Variants in TYW1B observed in about 807,000 individuals in gnomAD.
The protein encoded by TYW1B is tRNA-yW synthesizing protein 1 homolog B.
Under a neutral mutation model 86.9 loss-of-function variants are expected in TYW1B, and 73 were observed. The observed-to-expected ratio is 0.84, with a 90% CI of 0.70 to 1.02. The LOEUF (loss-of-function observed/expected upper bound fraction) is 1.02. Ranked by LOEUF, TYW1B falls within the 50% of genes least tolerant of loss-of-function variation. The pLI is 0.00. For synonymous variants in TYW1B, 248 were observed against 292.8 expected, an observed-to-expected ratio of 0.85 and a Z score of 1.56; for missense variants, 637 against 827.4, an observed-to-expected ratio of 0.77 and a Z score of 2.82.
chr7:72,643,584 C>A (rs1232449285), intron 11 of TYW1B, among the ~76,000 whole-genome samples: 25 of 149,676 alleles, frequency 1.7e-4, no homozygotes, highest in Admixed American at 1.4e-3. Flanking sequence ...CAGACTCCAT[C>A]TTAAAAGAAA....
In TYW1B at chr7:72,824,660, G is replaced by A. The variant is rs1268171153; in HGVS notation, c.135+2195C>T. Among the ~76,000 whole-genome samples the A allele has an allele frequency of 3.3e-5, 5 of 152,172 alleles. No homozygotes were observed. In the East Asian group the frequency reaches 9.7e-4, roughly 29 times the overall value. On this transcript the variant is annotated intron_variant, in intron 2 of 13. Coordinates refer to ENST00000620995, the MANE Select transcript of TYW1B (RefSeq NM_001145440.3). ...GGAGGCTGAGGCAGGAGAATTGCTC[G>A]AACCCAGGAGGCGGAGGTTGTGGTG...
intron 3 of TYW1B, among the ~76,000 whole-genome samples, chr7:72,813,395 C>T (rs762134863): frequency 6.6e-6 from 1 of 152,108 alleles, no homozygotes; most frequent in African/African-American, 2.4e-5. Flanking sequence ...AGGCTGGTCT[C>T]GAACTCCTGA....
intron 9 of TYW1B, among the ~76,000 whole-genome samples, chr7:72,725,543 G>GT (rs1444231621): frequency 3.3e-5 from 5 of 152,118 alleles, no homozygotes; most frequent in African/African-American, 1.2e-4. Flanking sequence ...CCAGATATTT[G>GT]TTCAGCCATT....
In TYW1B at chr7:72,689,445, T is replaced by C. The variant is rs1330317392; in HGVS notation, c.1506+5242A>G. 2.0e-5 allele frequency among the ~76,000 whole-genome samples: 3 copies of C among 152,176 alleles called. 1 individual carries two copies. The highest frequency in any genetic ancestry group is 4.4e-5 in the Non-Finnish European group (3 of 68,030). ...AGTGACAAAATGTGCATGCTGCAAC[T>C]TGGGAGTAGCTGAGACTTTGTCCTC... On this transcript the variant is annotated intron_variant, in intron 11 of 13. Transcript: ENST00000620995.
chr7:72,692,076 C>T (rs764544572), intron 11 of TYW1B, among the ~76,000 whole-genome samples: 35 of 151,244 alleles, frequency 2.3e-4, no homozygotes, highest in Non-Finnish European at 4.3e-4. Context: ...CATGGTGGTA[C>T]GCACCTGTAA....
intron 13 of TYW1B, among the ~76,000 whole-genome samples, chr7:72,601,099 C>T (rs1811654258): frequency 6.6e-6 from 1 of 151,374 alleles, no homozygotes; most frequent in South Asian, 2.1e-4. Context: ...TGAGATCTCG[C>T]CATTGCACTC....
chr7:72,812,712 T>C (rs1220436456), intron 3 of TYW1B, among the ~76,000 whole-genome samples: 2 of 151,592 alleles, frequency 1.3e-5, no homozygotes, highest in Non-Finnish European at 2.9e-5. Context: ...TTTTTTTTTT[T>C]TTTTTGAGAC....
intron 7 of TYW1B, among the ~76,000 whole-genome samples, chr7:72,754,938 T>C (rs1787561074): frequency 6.6e-6 from 1 of 152,224 alleles, no homozygotes; most frequent in African/African-American, 2.4e-5. Flanking sequence ...GTATGTGATA[T>C]TATATTATCC....
At chr7:72,776,949 G>A (rs1222702390) in intron 7 of TYW1B, among the ~76,000 whole-genome samples, 1 of 152,070 alleles carries the variant, frequency 6.6e-6, no homozygotes, top group Non-Finnish European at 1.5e-5. Flanking sequence ...GGGAAGTGGG[G>A]AGGGGGAAGA....
chr7:72,754,662 T>A (rs559283431), intron 7 of TYW1B, among the ~76,000 whole-genome samples: 2 of 151,776 alleles, frequency 1.3e-5, no homozygotes, highest in African/African-American at 4.8e-5. Flanking sequence ...GGTCTCCAAC[T>A]CCTGACCTCA....
rs186324122 is a variant in TYW1B at position 72,636,489 on chromosome 7, T to C, written c.1507-7492A>G. Reference sequence around the variant, plus strand: ...CATGTTAAATGGAAGTGGTGACAAATATAGTGGGTATGCTTGTCTTATTCT... The same window carrying C: ...CATGTTAAATGGAAGTGGTGACAAACATAGTGGGTATGCTTGTCTTATTCT... On this transcript the variant is annotated intron_variant, in intron 11 of 13. Transcript: ENST00000620995. Among the ~76,000 whole-genome samples the C allele has an allele frequency of 2.0e-5, 3 of 152,322 alleles. No homozygotes were observed. In the East Asian group the frequency reaches 5.8e-4, roughly 29 times the overall value.
intron 6 of TYW1B, among the ~76,000 whole-genome samples, chr7:72,795,008 C>G (rs752655316): frequency 6.6e-6 from 1 of 151,832 alleles, no homozygotes. Context: ...TTGGTAGAGA[C>G]AGGGTTTTGC....
rs146857767 is a variant in TYW1B at position 72,642,588 on chromosome 7, A to G, written c.1507-13591T>C. ...AAAATATAGTACATATCCATCCAAG[A>G]GAATAGTATTCAGCAAAAAAGCTGA... is the stretch of plus-strand genomic sequence containing the variant. On this transcript the variant is annotated intron_variant, in intron 11 of 13. Coordinates refer to ENST00000620995, the MANE Select transcript of TYW1B (RefSeq NM_001145440.3). Among the ~76,000 whole-genome samples the G allele has an allele frequency of 4.1e-3, 623 of 152,328 alleles. 5 individuals carry two copies. Among genetic ancestry groups the G allele is most frequent in the African/African-American group, 0.014 (592 of 41,564 alleles).
intron 6 of TYW1B, among the ~76,000 whole-genome samples, chr7:72,798,308 G>A (rs183858319): frequency 1.1e-4 from 17 of 151,822 alleles, no homozygotes; most frequent in South Asian, 4.2e-4. Context: ...GGAGAACGGC[G>A]TGAACCCAGG....
At chr7:72,759,304 C>T (rs1392633080) in intron 7 of TYW1B, among the ~76,000 whole-genome samples, 1 of 152,164 alleles carries the variant, frequency 6.6e-6, no homozygotes, top group African/African-American at 2.4e-5. Context: ...CACCGTAATC[C>T]AGCCTGGGTG....
intron 13 of TYW1B, among the ~76,000 whole-genome samples, chr7:72,609,575 A>AT (rs1342730004): frequency 1.2e-4 from 19 of 152,142 alleles, no homozygotes; most frequent in South Asian, 6.2e-4. Context: ...AAAATAAAAA[A>AT]AAATAAATAA....
chr7:72,774,288 T>C (rs1306336152), intron 7 of TYW1B, among the ~76,000 whole-genome samples: 17 of 148,956 alleles, frequency 1.1e-4, no homozygotes, highest in South Asian at 2.1e-4. Context: ...TAATTAGCCC[T>C]ATACTGAGCC....
chr7:72,745,022 T>A (rs1475215954), intron 7 of TYW1B, among the ~76,000 whole-genome samples: 1 of 152,166 alleles, frequency 6.6e-6, no homozygotes, highest in African/African-American at 2.4e-5. Flanking sequence ...TGGAGTGTCG[T>A]TCTTTTGTTT....
At chr7:72,820,354 C>T (rs562443992) in intron 2 of TYW1B, among the ~76,000 whole-genome samples, 4 of 152,182 alleles carry the variant, frequency 2.6e-5, no homozygotes, top group African/African-American at 9.6e-5. Context: ...GAAACAAGAT[C>T]CTTTCAGGCA....
Sources: allele counts gnomAD v4.1 joint callset (sites outside exome capture counted in the v4.1 genomes callset), GRCh38; gene constraint gnomAD v4.1.1; transcripts MANE v1.5; gene names NCBI Gene and HGNC (gene_info 2026-07-23, HGNC 2026-07-21).